NPAT: variants seen among roughly 807,000 people sequenced by gnomAD.
The protein encoded by NPAT is nuclear protein, coactivator of histone transcription.
NPAT carries 52 observed loss-of-function variants against 130.7 expected under a neutral mutation model. The observed-to-expected ratio is 0.40, with a 90% CI of 0.32 to 0.50. The LOEUF is 0.50. NPAT is among the 20% of genes least tolerant of loss of function. The probability of loss-of-function intolerance (pLI) is 0.68; values close to 1 mark genes in which losing one functional copy is unlikely to be tolerated. For synonymous variants in NPAT, 580 were observed against 584.8 expected, an observed-to-expected ratio of 0.99 and a Z score of 0.12; for missense variants, 1,687 against 1,662.6, an observed-to-expected ratio of 1.01 and a Z score of -0.26.
intron 15 of NPAT, among the ~76,000 whole-genome samples, chr11:108,163,954 G>A (rs2077876858): frequency 2.6e-5 from 4 of 152,180 alleles, no homozygotes; most frequent in Non-Finnish European, 1.5e-5. Context: ...AGGGAGAGAA[G>A]CCAAACAGGA....
intron 15 of NPAT, 152 bp from the exon 16 acceptor site, chr11:108,162,332 AAGC>A: frequency 1.5e-6 from 1 of 667,960 alleles, no homozygotes; most frequent in Non-Finnish European, 2.6e-6. Flanking sequence ...AGCTTTTAAA[AAGC>A]AGCTTTGAAA....
intron 1 of NPAT, among the ~76,000 whole-genome samples, chr11:108,212,102 T>A (rs2078389463): frequency 6.6e-6 from 1 of 151,216 alleles, no homozygotes. Context: ...AGTAACATCA[T>A]CTTCAATGGT....
chr11:108,217,549 C>CTA (rs1469007062), intron 1 of NPAT, among the ~76,000 whole-genome samples: 1 of 151,880 alleles, frequency 6.6e-6, no homozygotes. Context: ...TTAGGCCTTA[C>CTA]TATATATATA....
At chr11:108,182,561 G>A (rs1202002421) in intron 10 of NPAT, among the ~76,000 whole-genome samples, 1 of 152,242 alleles carries the variant, frequency 6.6e-6, no homozygotes, top group Non-Finnish European at 1.5e-5. Context: ...GCAGTGGCGC[G>A]ATCTCGCCTC....
chr11:108,197,448 T>C (rs768978619), intron 1 of NPAT, 28 bp from the exon 2 acceptor site: 3 of 1,365,042 alleles, frequency 2.2e-6, no homozygotes, highest in South Asian at 2.3e-5. Context: ...GTTTAGGTAC[T>C]TATACTAAAT....
At chr11:108,181,737 T>TA (rs111247716) in intron 10 of NPAT, among the ~76,000 whole-genome samples, 7,247 of 139,746 alleles carry the variant, frequency 0.052, 600 homozygotes, top group East Asian at 0.26. Flanking sequence ...GAGGTCATAA[T>TA]AAAAAAAAAA....
intron 5 of NPAT, 127 bp downstream of exon 5, chr11:108,190,333 A>C: frequency 1.6e-6 from 1 of 625,440 alleles, no homozygotes; most frequent in Non-Finnish European, 2.7e-6. Flanking sequence ...AAAAAAAAAA[A>C]AAAAGAAAGA....
rs535758191 is a variant in NPAT, at chr11:108,170,074, T to G, written c.2786-31A>C. 4 of 1,447,856 alleles carry G rather than the reference T, an allele frequency of 2.8e-6. No individual in the cohort carries two copies. In the African/African-American group the frequency reaches 4.2e-5, roughly 15 times the overall value. The allele number at this position is 1,447,856 out of a possible 1,614,324, so 89.7% of individuals were successfully genotyped here. A position where few individuals can be genotyped will look rare whatever the true frequency, so the allele number is the denominator to read the frequency against. On this transcript the variant is annotated intron_variant, in intron 13 of 17. Coordinates refer to ENST00000278612, the MANE Select transcript of NPAT (RefSeq NM_002519.3). The stretch of plus-strand genomic sequence containing the variant: ...AAAACAATTCTTGTTAAAAAAAGAT[T>G]TTCTCTGAAATGTTTTGGCACAAAA...
Position 108,165,468 on chromosome 11 carries a change from A to ATT in NPAT, c.3011-3289_3011-3288insAA, listed in dbSNP as rs200288318. The stretch of plus-strand genomic sequence containing the variant: ...CATATGTATTTATATATATATATAT[A>ATT]TATATTTTTTTTTTGTGATAGGGTC... On this transcript the variant is annotated intron_variant, in intron 15 of 17. Transcript: ENST00000278612. 1.2e-3 allele frequency among the ~76,000 whole-genome samples: 123 copies of ATT among 106,292 alleles called. 1 individual carries two copies. Among genetic ancestry groups the ATT allele is most frequent in the Middle Eastern group, 6.2e-3 (1 of 162 alleles). 69.7% of individuals were successfully genotyped at this position (106,292 alleles called of 152,430 possible). A position where few individuals can be genotyped will look rare whatever the true frequency, so the allele number is the denominator to read the frequency against.
chr11:108,190,499 TC>T lies in NPAT; in HGVS notation c.291del (p.Ser98AlafsTer76). The T allele has an allele frequency of 6.2e-7, 1 of 1,613,604 alleles. No individual in the cohort carries two copies. Among genetic ancestry groups the T allele is most frequent in the Non-Finnish European group, 8.5e-7 (1 of 1,179,578 alleles). ...GCAAACCTTGGGGAACTTTGCATGC[TC>T]CTAACAAAGAAAACAAAGTAGTTAT... ...KKLDHTLSQIRSMQSSPRFAG... is the reference protein window; with the variant it reads ...KKLDHTLSQIXSMQSSPRFAG... On this transcript the variant is annotated frameshift_variant and splice_region_variant, in exon 5 of 18. Coordinates refer to ENST00000278612, the MANE Select transcript of NPAT (RefSeq NM_002519.3). LOFTEE classifies it high-confidence loss of function.
chr11:108,203,445 C>T (rs1189926554), intron 1 of NPAT, among the ~76,000 whole-genome samples: 1 of 152,104 alleles, frequency 6.6e-6, no homozygotes, highest in African/African-American at 2.4e-5. Flanking sequence ...CAGTAAATGT[C>T]ACTGGAAAAT....
Position 108,176,330 on chromosome 11 carries a change from G to T in NPAT, c.1048C>A (p.Gln350Lys). Residue 350 changes from glutamine to lysine, a missense_variant, in exon 12 of 18, where the codon CAA (glutamine) becomes AAA (lysine). This residue lies in a region of NPAT where 1,379 missense variants were observed against 1,346.6 expected (regional missense o/e 1.02). Transcript: ENST00000278612. ...NKNISQSISS[Q>K]PMESNPSIVL... ...ATACTGGGATTGGATTCCATAGGTT[G>T]ACTGGAAATACTTTGTGATATATTT... 2 of 1,557,516 alleles carry T rather than the reference G, an allele frequency of 1.3e-6. No homozygotes were observed. Among genetic ancestry groups the T allele is most frequent in the South Asian group, 2.2e-5 (2 of 89,802 alleles).
chr11:108,206,718 G>T (rs1466565006), intron 1 of NPAT, among the ~76,000 whole-genome samples: 1 of 152,188 alleles, frequency 6.6e-6, no homozygotes, highest in East Asian at 1.9e-4. Context: ...CTGTTTTACA[G>T]ATCTTTCAGT....
chr11:108,172,305 A>G lies in NPAT; in HGVS notation c.2679T>C (p.Asn893=). 1 of 1,614,152 alleles carries G rather than the reference A, an allele frequency of 6.2e-7. No individual in the cohort carries two copies. Among genetic ancestry groups the G allele is most frequent in the Non-Finnish European group, 8.5e-7 (1 of 1,179,996 alleles). Residue 893 remains asparagine (N), a synonymous_variant, in exon 13 of 18, where the codon AAT becomes AAC. Coordinates refer to ENST00000278612, the MANE Select transcript of NPAT (RefSeq NM_002519.3). ...GAGGTTGAGCAGTCATAGGTGCAGAATTTCCAGGCAACACCACTACATTAG... is the reference window on the plus strand; with the variant it reads ...GAGGTTGAGCAGTCATAGGTGCAGAGTTTCCAGGCAACACCACTACATTAG... The part of the protein sequence containing the change: ...SQSNVVVLPG[N]SAPMTAQPLP...
At chr11:108,163,059 GATTTATTT>G (rs3081748) in intron 15 of NPAT, among the ~76,000 whole-genome samples, 29 of 148,946 alleles carry the variant, frequency 1.9e-4, no homozygotes, top group African/African-American at 3.0e-4. Flanking sequence ...TCCTTTAAGA[GATTTATTT>G]ATTTATTTAT....
At chr11:108,183,945 G>A (rs1000128469) in intron 10 of NPAT, among the ~76,000 whole-genome samples, 4 of 148,908 alleles carry the variant, frequency 2.7e-5, no homozygotes, top group African/African-American at 1.0e-4. Flanking sequence ...CTGCACTCAA[G>A]CCCGGGCAAC....
chr11:108,221,462 A>C lies in NPAT; in HGVS notation c.37+1038T>G, dbSNP rs1203056492. 2.6e-5 allele frequency among the ~76,000 whole-genome samples: 4 copies of C among 152,366 alleles called. No homozygotes were observed. The East Asian group carries it at 5.8e-4, about 22-fold the overall frequency. On this transcript the variant is annotated intron_variant, in intron 1 of 17. Transcript: ENST00000278612. ...TAAACTTGTCATTAAGTTTCTTCAA[A>C]AATGGATGGTGGAACCATTTCCGTT...
At position 108,157,776 on chromosome 11, in the gene NPAT, C is replaced by A. The variant is rs1317976413; in HGVS notation, c.*1166G>T. 1 of 152,486 alleles carries A rather than the reference C, an allele frequency of 6.6e-6. No individual in the cohort carries two copies. Among genetic ancestry groups the A allele is most frequent in the East Asian group, 1.9e-4 (1 of 5,194 alleles). 9.4% of individuals were successfully genotyped at this position (152,486 alleles called of 1,614,324 possible). A position where few individuals can be genotyped will look rare whatever the true frequency, so the allele number is the denominator to read the frequency against. ...ATTGGTCAGGTACTAATTATAATTT[C>A]TGTTCTCATTTAAAAGTTTAAACCA... On this transcript the variant is annotated 3_prime_UTR_variant, in exon 18 of 18. Transcript: ENST00000278612.
intron 3 of NPAT, among the ~76,000 whole-genome samples, chr11:108,193,569 TACAAA>T (rs572979421): frequency 1.5e-3 from 225 of 151,976 alleles, no homozygotes; most frequent in Non-Finnish European, 2.6e-3. Flanking sequence ...CTACTAAAAA[TACAAA>T]ATTAGCCGGG....
Sources: gnomAD v4.1 joint callset for allele counts (sites outside exome capture counted in the v4.1 genomes callset) on GRCh38, gnomAD v4.1.1 for gene constraint, gnomAD v4.1.1 regional missense constraint, MANE v1.5 for transcripts, NCBI Gene and HGNC (gene_info 2026-07-23, HGNC 2026-07-21) for gene names.